PRDM11: variants seen among roughly 807,000 people sequenced by gnomAD.
The protein encoded by PRDM11 is PR domain-containing protein 11.
A neutral mutation model predicts 97.8 loss-of-function variants in PRDM11; 20 were observed. That is an observed-to-expected ratio of 0.20 (90% CI 0.14 to 0.30). The LOEUF (loss-of-function observed/expected upper bound fraction) is 0.30, where lower values mean the gene tolerates loss of function less well. Ranked by LOEUF, PRDM11 falls within the 10% of genes least tolerant of loss-of-function variation. The pLI is 1.00. For synonymous variants in PRDM11, 599 were observed against 637.7 expected, an observed-to-expected ratio of 0.94 and a Z score of 0.91; for missense variants, 1,139 against 1,555.2, an observed-to-expected ratio of 0.73 and a Z score of 4.50.
chr11:45,166,884 T>C (rs1328385507), intron 1 of PRDM11, among the ~76,000 whole-genome samples: 1 of 152,200 alleles, frequency 6.6e-6, no homozygotes, highest in Non-Finnish European at 1.5e-5. Context: ...GCCCATTTGT[T>C]TTGGCAAACT....
intron 1 of PRDM11, among the ~76,000 whole-genome samples, chr11:45,168,890 C>G (rs1469211271): frequency 6.6e-6 from 1 of 152,220 alleles, no homozygotes; most frequent in Non-Finnish European, 1.5e-5. Context: ...GCACTCCTGG[C>G]AGCCTGACCC....
At chr11:45,172,955 C>CA (rs1852237196) in intron 1 of PRDM11, among the ~76,000 whole-genome samples, 1 of 152,176 alleles carries the variant, frequency 6.6e-6, no homozygotes, top group South Asian at 2.1e-4. Context: ...GGGTCCTCTG[C>CA]AGGACATGGC....
chr11:45,202,631 G>T (rs1046673080), intron 4 of PRDM11, among the ~76,000 whole-genome samples: 1 of 152,184 alleles, frequency 6.6e-6, no homozygotes, highest in Non-Finnish European at 1.5e-5. Flanking sequence ...AAATGGGAAG[G>T]CTTCCCACCA....
chr11:45,194,247 G>GA (rs1394594331), intron 4 of PRDM11, among the ~76,000 whole-genome samples: 1 of 152,176 alleles, frequency 6.6e-6, no homozygotes, highest in African/African-American at 2.4e-5. Context: ...TTTTTTAAAT[G>GA]AAAACATGGA....
At chr11:45,129,069 A>G (rs1005808180) in intron 1 of PRDM11, among the ~76,000 whole-genome samples, 1 of 152,244 alleles carries the variant, frequency 6.6e-6, no homozygotes, top group Non-Finnish European at 1.5e-5. Context: ...GCATATAATC[A>G]TCTTGATAGA....
chr11:45,169,486 T>TCCA (rs1346570186), intron 1 of PRDM11, among the ~76,000 whole-genome samples: 2 of 152,256 alleles, frequency 1.3e-5, no homozygotes, highest in African/African-American at 4.8e-5. Flanking sequence ...CAGATAATGT[T>TCCA]CCAAGTGTAT....
intron 1 of PRDM11, among the ~76,000 whole-genome samples, chr11:45,162,798 C>A: frequency 6.6e-6 from 1 of 152,200 alleles, no homozygotes; most frequent in South Asian, 2.1e-4. Context: ...GGTGGCAGTG[C>A]GCCTTTCTCA....
At chr11:45,096,683 C>T (rs1249289720) in intron 1 of PRDM11, among the ~76,000 whole-genome samples, 1 of 152,216 alleles carries the variant, frequency 6.6e-6, no homozygotes, top group Admixed American at 6.5e-5. Context: ...GCAGCCTCTT[C>T]ACTGGCTTTG....
intron 1 of PRDM11, among the ~76,000 whole-genome samples, chr11:45,113,521 C>T (rs1474359461): frequency 6.6e-6 from 1 of 152,064 alleles, no homozygotes; most frequent in African/African-American, 2.4e-5. Flanking sequence ...TGCATTGAAT[C>T]TGTAGATTGC....
intron 1 of PRDM11, among the ~76,000 whole-genome samples, chr11:45,097,607 T>C (rs1565216743): frequency 6.6e-6 from 1 of 152,160 alleles, no homozygotes; most frequent in African/African-American, 2.4e-5. Flanking sequence ...ACTGCACACA[T>C]AGAATCAGAA....
chr11:45,199,680 G>T (rs1853257178), intron 4 of PRDM11, among the ~76,000 whole-genome samples: 1 of 152,202 alleles, frequency 6.6e-6, no homozygotes, highest in African/African-American at 2.4e-5. Context: ...CTTCTGGGGG[G>T]CTTGTCCTGA....
chr11:45,117,953 T>C (rs764798071), intron 1 of PRDM11, among the ~76,000 whole-genome samples: 2 of 152,136 alleles, frequency 1.3e-5, no homozygotes, highest in Non-Finnish European at 2.9e-5. Context: ...ACAATATATA[T>C]ACTTGATATG....
At chr11:45,143,373 A>T (rs1851445823), upstream of PRDM11, among the ~76,000 whole-genome samples, 3 of 152,138 alleles carry the variant, frequency 2.0e-5, no homozygotes. Context: ...TTTCCTTCTA[A>T]AGAGGTGAAC....
rs777971587 is a variant in PRDM11, at chr11:45,204,728, C to G, written c.504C>G (p.Asn168Lys). 1 of 1,612,654 alleles carries G rather than the reference C, an allele frequency of 6.2e-7. No homozygotes were observed. The highest frequency in any genetic ancestry group is 8.5e-7 in the Non-Finnish European group (1 of 1,178,664). ...FFSWLIVDKN[N>K]RYKSIDGSDE... ...TCTTCCAGATTGTGGACAAGAACAACCGCTATAAGTCCATAGATGGCTCAG... is the reference window on the plus strand; with the variant it reads ...TCTTCCAGATTGTGGACAAGAACAAGCGCTATAAGTCCATAGATGGCTCAG... The change falls in exon 5 of 8, where the codon AAC (asparagine) becomes AAG (lysine). Residue 168 changes from asparagine to lysine, a missense_variant. By Grantham distance (94) the Asn-to-Lys change is moderately conservative (BLOSUM62 0). Transcript: ENST00000683152.
chr11:45,155,527 G>A (rs1851772498), intron 1 of PRDM11, among the ~76,000 whole-genome samples: 1 of 152,136 alleles, frequency 6.6e-6, no homozygotes, highest in Non-Finnish European at 1.5e-5. Flanking sequence ...CAAACAGAGT[G>A]TCATTTTCCC....
At chr11:45,107,661 C>T (rs11605224) in intron 1 of PRDM11, among the ~76,000 whole-genome samples, 7 of 152,254 alleles carry the variant, frequency 4.6e-5, no homozygotes, top group South Asian at 2.1e-4. Context: ...TCCTCTAAGC[C>T]TGTCAGGTTT....
At chr11:45,170,500 C>T (rs540610249) in intron 1 of PRDM11, among the ~76,000 whole-genome samples, 1 of 152,258 alleles carries the variant, frequency 6.6e-6, no homozygotes, top group African/African-American at 2.4e-5. Context: ...GCATCTCAGG[C>T]AGAGGGAATA....
At chr11:45,137,071 G>A (rs963270813) in intron 1 of PRDM11, among the ~76,000 whole-genome samples, 5 of 152,058 alleles carry the variant, frequency 3.3e-5, no homozygotes, top group Non-Finnish European at 7.4e-5. Context: ...GCTGAGGCAG[G>A]AGAATTTCTT....
chr11:45,215,447 G>A (rs1263031945), intron 5 of PRDM11, among the ~76,000 whole-genome samples: 7 of 152,188 alleles, frequency 4.6e-5, no homozygotes, highest in East Asian at 1.9e-4. Flanking sequence ...CAAAGATGTC[G>A]TGAAACCATT....
Sources: gnomAD v4.1 joint callset for allele counts (sites outside exome capture counted in the v4.1 genomes callset) on GRCh38, gnomAD v4.1.1 for gene constraint, MANE v1.5 for transcripts, NCBI Gene and HGNC (gene_info 2026-07-23, HGNC 2026-07-21) for gene names.